CAMSAP1: variants seen among roughly 807,000 people sequenced by gnomAD.
CAMSAP1 encodes calmodulin regulated spectrin associated protein 1, also known as calmodulin-regulated spectrin-associated protein 1.
A neutral mutation model predicts 143.5 loss-of-function variants in CAMSAP1; 58 were observed. That is an observed-to-expected ratio of 0.40 (90% CI 0.33 to 0.50). The LOEUF (loss-of-function observed/expected upper bound fraction) is 0.50, where lower values mean the gene tolerates loss of function less well. Among genes scored for constraint, CAMSAP1 ranks in the 20% least tolerant of loss-of-function variants. The probability of loss-of-function intolerance (pLI) is 0.45; values close to 1 mark genes in which losing one functional copy is unlikely to be tolerated. For missense variants in CAMSAP1, 1,969 were observed against 2,115.7 expected (o/e 0.93, Z 1.36); for synonymous variants, 945 against 859.3 (o/e 1.10, Z -1.74).
At position 135,814,115 on chromosome 9, in the gene CAMSAP1, C is replaced by T. The variant is rs189257058; in HGVS notation, c.4506+982G>A. Among the ~76,000 whole-genome samples the T allele has an allele frequency of 3.3e-5, 5 of 152,300 alleles. No homozygotes were observed. In the East Asian group the frequency reaches 7.7e-4, roughly 24 times the overall value. On this transcript the variant is annotated intron_variant, in intron 16 of 16. Transcript: ENST00000389532. ...TGATACAGGGGGCCAACCACCTCTC[C>T]GTGTGGAAATCTAAGCAGGAAGGGC...
chr9:135,835,903 C>T (rs1836015136), intron 7 of CAMSAP1, among the ~76,000 whole-genome samples: 2 of 152,174 alleles, frequency 1.3e-5, no homozygotes, highest in Admixed American at 1.3e-4. Context: ...TCACTTGAAC[C>T]CAGGAGGTGG....
At chr9:135,850,540 A>G (rs1443649890) in intron 5 of CAMSAP1, 79 bp from the exon 6 acceptor site, 1 of 1,145,460 alleles carries the variant, frequency 8.7e-7, no homozygotes, top group Non-Finnish European at 1.2e-6. Flanking sequence ...TAAAATGAAA[A>G]CCATTTTACA....
chr9:135,843,653 C>T (rs1453596369), intron 7 of CAMSAP1, among the ~76,000 whole-genome samples: 9 of 151,842 alleles, frequency 5.9e-5, no homozygotes, highest in Admixed American at 3.3e-4. Context: ...AGGTGGATCA[C>T]GAGGTCAGGA....
At chr9:135,834,881 A>T (rs1017245527) in intron 7 of CAMSAP1, among the ~76,000 whole-genome samples, 1 of 152,156 alleles carries the variant, frequency 6.6e-6, no homozygotes, top group Non-Finnish European at 1.5e-5. Context: ...ATACACTTTT[A>T]ATCTTCAATA....
In CAMSAP1 at chr9:135,818,266, T is replaced by C; in HGVS notation, c.4168+142A>G. On this transcript the variant is annotated intron_variant, in intron 13 of 16. Coordinates refer to ENST00000389532, the MANE Select transcript of CAMSAP1 (RefSeq NM_015447.4). This position sits in a 1 kb window ranked among gnomAD's most constrained non-coding sequence, Gnocchi z 7.7. ...ATCTCAGAGCATCTGGTCTCAACAT[T>C]GTCATCCATGAAACGGGGATAATCA... 9.0e-7 allele frequency: 1 copy of C among 1,114,266 alleles called. No individual in the cohort carries two copies. 69.0% of individuals were successfully genotyped at this position (1,114,266 alleles called of 1,614,324 possible).
At chr9:135,817,764 A>G (rs1835285094) in intron 14 of CAMSAP1, 1 of 544,564 alleles carries the variant, frequency 1.8e-6, no homozygotes, top group East Asian at 3.2e-5. Context: ...GGGGAGGGTG[A>G]TAAGGTGAAG....
intron 1 of CAMSAP1, among the ~76,000 whole-genome samples, chr9:135,893,824 C>T (rs1564461904): frequency 6.6e-6 from 1 of 152,168 alleles, no homozygotes. Flanking sequence ...AATTTCTGGC[C>T]AGGACAAAAT....
chr9:135,811,270 C>T lies in CAMSAP1; in HGVS notation c.*39G>A, dbSNP rs190405675. 3.5e-3 allele frequency: 5,624 copies of T among 1,589,416 alleles called. 12 individuals carry two copies. The highest frequency in any genetic ancestry group is 3.7e-3 in the Non-Finnish European group (4,327 of 1,165,932). On this transcript the variant is annotated 3_prime_UTR_variant, in exon 17 of 17. Coordinates refer to ENST00000389532, the MANE Select transcript of CAMSAP1 (RefSeq NM_015447.4). This position sits in a 1 kb window ranked among gnomAD's most constrained non-coding sequence, Gnocchi z 4.9. ...ATGCCAGCCACAAGGGCATCATTTA[C>T]GAGTCTGGGTCACCCTTTGGACGCC...
chr9:135,856,017 A>T (rs1011499519), intron 5 of CAMSAP1, among the ~76,000 whole-genome samples: 2 of 152,178 alleles, frequency 1.3e-5, no homozygotes, highest in Non-Finnish European at 2.9e-5. Flanking sequence ...GTACCACTGC[A>T]CTCCAGCATA....
intron 3 of CAMSAP1, among the ~76,000 whole-genome samples, chr9:135,879,546 T>C (rs912114254): frequency 3.3e-5 from 5 of 152,022 alleles, no homozygotes; most frequent in African/African-American, 1.2e-4. Flanking sequence ...ACACTATTTT[T>C]CACCTTTCAA....
rs1835690117 is a variant in CAMSAP1, at chr9:135,826,791, T to C, written c.1223+616A>G. 6.6e-6 allele frequency among the ~76,000 whole-genome samples: 1 copy of C among 152,166 alleles called. No homozygotes were observed. The highest frequency in any genetic ancestry group is 1.5e-5 in the Non-Finnish European group (1 of 68,042). Reference sequence around the variant, plus strand: ...CACACAGCACAAAGCTCACTCTTACTCCAAGGGAAGCTTCCTTCACCCCCT... The same window carrying C: ...CACACAGCACAAAGCTCACTCTTACCCCAAGGGAAGCTTCCTTCACCCCCT... On this transcript the variant is annotated intron_variant, in intron 8 of 16. Coordinates refer to ENST00000389532, the MANE Select transcript of CAMSAP1 (RefSeq NM_015447.4). This position sits in a 1 kb window ranked among gnomAD's most constrained non-coding sequence, Gnocchi z 4.4.
chr9:135,895,405 G>C (rs1167280827), intron 1 of CAMSAP1, among the ~76,000 whole-genome samples: 1 of 152,188 alleles, frequency 6.6e-6, no homozygotes, highest in African/African-American at 2.4e-5. Flanking sequence ...AAGCTATGGA[G>C]GCCAGAGGGA....
Position 135,811,937 on chromosome 9 carries a change from C to T in CAMSAP1, c.4507-326G>A, listed in dbSNP as rs978807655. Among the ~76,000 whole-genome samples, 5 of 152,186 alleles carry T rather than the reference C, an allele frequency of 3.3e-5. No individual in the cohort carries two copies. Among genetic ancestry groups the T allele is most frequent in the South Asian group, 2.1e-4 (1 of 4,830 alleles). On this transcript the variant is annotated intron_variant, in intron 16 of 16. Coordinates refer to ENST00000389532, the MANE Select transcript of CAMSAP1 (RefSeq NM_015447.4). This position sits in a 1 kb window ranked among gnomAD's most constrained non-coding sequence, Gnocchi z 4.9. Reference sequence around the variant, plus strand: ...AGACGTCGCGTCATGCCCACAAGGACGGCTGGAACCCAGAAGCAGGGCGGT... The same window carrying T: ...AGACGTCGCGTCATGCCCACAAGGATGGCTGGAACCCAGAAGCAGGGCGGT...
Position 135,821,153 on chromosome 9 carries a change from T to C in CAMSAP1, c.3508A>G (p.Arg1170Gly), listed in dbSNP as rs920056971. ...PHGKCLFDSY[R>G]LHDESNQRTL... ...CGCTGATTGCTTTCATCATGGAGCC[T>C]GTAACTGTCGAAGAGACACTTCCCA... Residue 1170 changes from arginine to glycine, a missense_variant, in exon 11 of 17, where the codon AGG (arginine) becomes GGG (glycine). Transcript: ENST00000389532. The surrounding 1 kb of genome is among the most constrained non-coding windows in gnomAD (Gnocchi z 4.6). The C allele has an allele frequency of 1.2e-6, 2 of 1,612,262 alleles. No individual in the cohort carries two copies. The highest frequency in any genetic ancestry group is 4.5e-5 in the East Asian group (2 of 44,892).
intron 14 of CAMSAP1, among the ~76,000 whole-genome samples, chr9:135,817,498 A>G (rs907728183): frequency 1.3e-5 from 2 of 151,946 alleles, no homozygotes; most frequent in Non-Finnish European, 2.9e-5. Context: ...CTCAAGCGAT[A>G]CTACCACCTC....
chr9:135,828,393 C>T (rs1014830643), intron 7 of CAMSAP1, among the ~76,000 whole-genome samples: 2 of 152,140 alleles, frequency 1.3e-5, no homozygotes, highest in African/African-American at 4.8e-5. Flanking sequence ...GCTCTGCAGA[C>T]GGTCTAGGGA....
chr9:135,836,690 C>T (rs1836059980), intron 7 of CAMSAP1: 1 of 973,768 alleles, frequency 1.0e-6, no homozygotes, highest in African/African-American at 2.0e-5. Context: ...TCACCACGCA[C>T]TTCTACCCTG....
chr9:135,836,342 C>T, intron 7 of CAMSAP1: 1 of 984,150 alleles, frequency 1.0e-6, no homozygotes, highest in Non-Finnish European at 1.2e-6. Flanking sequence ...TCTACCCATT[C>T]CGCAGCCACA....
chr9:135,886,569 G>A (rs1267213684), intron 1 of CAMSAP1, among the ~76,000 whole-genome samples: 4 of 152,236 alleles, frequency 2.6e-5, no homozygotes, highest in Non-Finnish European at 5.9e-5. Context: ...GCTCTTGTGC[G>A]TGCCTGCGCT....
Sources: allele counts gnomAD v4.1 joint callset (sites outside exome capture counted in the v4.1 genomes callset), GRCh38; gene constraint gnomAD v4.1.1; non-coding constraint Gnocchi (gnomAD v3.1); transcripts MANE v1.5; gene names NCBI Gene and HGNC (gene_info 2026-07-23, HGNC 2026-07-21).